The following DLGAP2 variants were observed in gnomAD, a reference collection of about 807,000 sequenced individuals.
DLGAP2 encodes DLG associated protein 2.
A neutral mutation model predicts 100.3 loss-of-function variants in DLGAP2; 26 were observed. The observed-to-expected ratio is 0.26, with a 90% confidence interval of 0.19 to 0.36. The LOEUF is 0.36. DLGAP2 is among the 10% of genes least tolerant of loss of function. The pLI, the probability that DLGAP2 is intolerant of heterozygous loss-of-function variation, is 1.00. For missense variants in DLGAP2, 1,858 were observed against 1,453.2 expected (o/e 1.28, Z -4.53); for synonymous variants, 886 against 630.1 (o/e 1.41, Z -6.08).
intron 6 of DLGAP2, among the ~76,000 whole-genome samples, chr8:1,574,244 G>C (rs35050794): frequency 6.6e-6 from 1 of 152,152 alleles, no homozygotes; most frequent in African/African-American, 2.4e-5. Flanking sequence ...TGCGTCACCA[G>C]ATTTTAGTGT....
intron 1 of DLGAP2, among the ~76,000 whole-genome samples, chr8:864,647 A>G (rs1216188516): frequency 6.6e-6 from 1 of 152,206 alleles, no homozygotes; most frequent in Non-Finnish European, 1.5e-5. Context: ...CTACAAGCAT[A>G]GGATTCAAGG....
chr8:1,526,767 C>T (rs997266300), intron 4 of DLGAP2, among the ~76,000 whole-genome samples: 6 of 152,202 alleles, frequency 3.9e-5, no homozygotes, highest in Admixed American at 2.6e-4. Context: ...GTGTGAGCTA[C>T]GTCTATCCCT....
chr8:1,171,314 G>C (rs62488967), intron 2 of DLGAP2, among the ~76,000 whole-genome samples: 1 of 151,942 alleles, frequency 6.6e-6, no homozygotes, highest in Non-Finnish European at 1.5e-5. Context: ...TATGTGGTCA[G>C]TTTTGGAATC....
In DLGAP2 at chr8:899,027, C is replaced by T. The variant is rs761290078; in HGVS notation, c.19-8885C>T. 1.8e-4 allele frequency among the ~76,000 whole-genome samples: 27 copies of T among 152,196 alleles called. 1 individual carries two copies. The highest frequency in any genetic ancestry group is 3.3e-4 in the Admixed American group (5 of 15,286). On this transcript the variant is annotated intron_variant, in intron 1 of 14. Transcript: ENST00000637795. ...TAACAAGCCCCCCAGGCGGTTCTGA[C>T]GCCAGTGGAAGTGTGAAGACCTCTG...
chr8:854,515 G>T (rs1193666414), intron 1 of DLGAP2, among the ~76,000 whole-genome samples: 1 of 152,108 alleles, frequency 6.6e-6, no homozygotes, highest in African/African-American at 2.4e-5. Context: ...GAGAGTGAGA[G>T]AGTGGGTGAG....
At chr8:748,899 T>C (rs1820719632) in intron 1 of DLGAP2, among the ~76,000 whole-genome samples, 1 of 152,250 alleles carries the variant, frequency 6.6e-6, no homozygotes, top group Non-Finnish European at 1.5e-5. Flanking sequence ...TTTTATTATA[T>C]TTGTTACATC....
At chr8:771,317 C>G (rs770975974) in intron 1 of DLGAP2, among the ~76,000 whole-genome samples, 1 of 152,148 alleles carries the variant, frequency 6.6e-6, no homozygotes, top group Non-Finnish European at 1.5e-5. Flanking sequence ...GTAAAAGGAT[C>G]GAGGGACCTC....
At chr8:1,411,954 C>G (rs1312423138) in intron 3 of DLGAP2, among the ~76,000 whole-genome samples, 1 of 152,186 alleles carries the variant, frequency 6.6e-6, no homozygotes, top group African/African-American at 2.4e-5. Context: ...CACGTTCAGA[C>G]ACATGCTCCG....
At chr8:981,249 A>G (rs561222570) in intron 2 of DLGAP2, among the ~76,000 whole-genome samples, 67 of 152,276 alleles carry the variant, frequency 4.4e-4, no homozygotes, top group African/African-American at 1.5e-3. Flanking sequence ...ATGCATCAGA[A>G]TACCGTTGCT....
At chr8:1,411,921 G>A (rs1287161883) in intron 3 of DLGAP2, among the ~76,000 whole-genome samples, 1 of 152,118 alleles carries the variant, frequency 6.6e-6, no homozygotes, top group East Asian at 1.9e-4. Flanking sequence ...TGTGGGGGTG[G>A]ATGCTTCCAC....
intron 2 of DLGAP2, among the ~76,000 whole-genome samples, chr8:1,018,002 C>G (rs867639830): frequency 6.6e-5 from 10 of 152,172 alleles, no homozygotes; most frequent in African/African-American, 2.4e-4. Flanking sequence ...GAACTATTCC[C>G]ACCCCATCCC....
At chr8:1,159,751 A>G (rs560034820) in intron 2 of DLGAP2, among the ~76,000 whole-genome samples, 1 of 152,348 alleles carries the variant, frequency 6.6e-6, no homozygotes, top group Admixed American at 6.5e-5. Context: ...TTTCAGTCAT[A>G]CATTGAAAAA....
intron 3 of DLGAP2, among the ~76,000 whole-genome samples, chr8:1,299,006 G>T (rs1800263684): frequency 6.6e-6 from 1 of 152,222 alleles, no homozygotes; most frequent in Admixed American, 6.5e-5. Flanking sequence ...GCCCAAGGGA[G>T]CAAAGGTGGG....
intron 2 of DLGAP2, among the ~76,000 whole-genome samples, chr8:1,213,672 A>G (rs1434331180): frequency 2.0e-5 from 3 of 152,230 alleles, no homozygotes; most frequent in African/African-American, 7.2e-5. Flanking sequence ...TCCAGGTTAA[A>G]TGGTGCAGGA....
At chr8:1,317,176 C>T (rs1157225336) in intron 3 of DLGAP2, among the ~76,000 whole-genome samples, 3 of 121,064 alleles carry the variant, frequency 2.5e-5, no homozygotes, top group Non-Finnish European at 5.0e-5. Flanking sequence ...AAAAATAGAG[C>T]GTGTGTGAGT....
In DLGAP2 at chr8:1,701,601, CTTTTGT is replaced by C; in HGVS notation, c.*197_*202del. On this transcript the variant is annotated 3_prime_UTR_variant, in exon 15 of 15. Coordinates refer to ENST00000637795, the MANE Select transcript of DLGAP2 (RefSeq NM_001346810.2). ...GAGCTCGCGGCGAGGACGACTTCTG[CTTTTGT>C]TGTTGTTGTTGTTGTTCACGGGTGG... is the stretch of plus-strand genomic sequence containing the variant. 1.6e-6 allele frequency: 1 copy of C among 629,032 alleles called. No individual in the cohort carries two copies. The highest frequency in any genetic ancestry group is 2.0e-5 in the South Asian group (1 of 48,964). The allele number at this position is 629,032 out of a possible 1,614,324, so 39.0% of individuals were successfully genotyped here. A position where few individuals can be genotyped will look rare whatever the true frequency, so the allele number is the denominator to read the frequency against.
intron 1 of DLGAP2, 47 bp from the exon 2 acceptor site, chr8:907,865 C>G (rs1371337260): frequency 2.5e-6 from 1 of 398,496 alleles, no homozygotes; most frequent in African/African-American, 2.1e-5. Context: ...ATGCCTTCCT[C>G]CACGCGAATG....
intron 2 of DLGAP2, among the ~76,000 whole-genome samples, chr8:913,726 T>A (rs968305264): frequency 2.6e-5 from 4 of 152,270 alleles, no homozygotes; most frequent in African/African-American, 9.6e-5. Context: ...GTGACTTCAT[T>A]GTCCCACAGC....
chr8:1,555,649 C>T (rs960774180), intron 5 of DLGAP2, among the ~76,000 whole-genome samples: 1 of 152,222 alleles, frequency 6.6e-6, no homozygotes, highest in African/African-American at 2.4e-5. Flanking sequence ...GGCTGGACTC[C>T]TCCATCACCC....
Sources: allele counts gnomAD v4.1 joint callset (sites outside exome capture counted in the v4.1 genomes callset), GRCh38; gene constraint gnomAD v4.1.1; transcripts MANE v1.5; gene names NCBI Gene and HGNC (gene_info 2026-07-23, HGNC 2026-07-21).